The following PDK1 variants were observed in gnomAD, a reference collection of about 807,000 sequenced individuals.
PDK1 encodes the protein [Pyruvate dehydrogenase (acetyl-transferring)] kinase isozyme 1, mitochondrial.
In PDK1, 39 loss-of-function variants were observed where a neutral mutation model predicts 54.2. The observed-to-expected ratio is 0.72, with a 90% CI of 0.56 to 0.94. PDK1 has a LOEUF of 0.94. Ranked by LOEUF, PDK1 falls within the 40% of genes least tolerant of loss-of-function variation. PDK1 has a pLI of 0.00. For missense variants in PDK1, 552 were observed against 566.0 expected (o/e 0.98, Z 0.25); for synonymous variants, 221 against 207.1 (o/e 1.07, Z -0.58).
At chr2:172,687,761 T>C in the PDK1 span, among the ~76,000 whole-genome samples, 1 of 152,158 alleles carries the variant, frequency 6.6e-6, no homozygotes, top group African/African-American at 2.4e-5. Context: ...ATCATTTGGG[T>C]TCACACATAT....
At chr2:172,660,245 C>CTTTTTT in the PDK1 span, among the ~76,000 whole-genome samples, 2,836 of 55,390 alleles carry the variant, frequency 0.051, 771 homozygotes, top group Non-Finnish European at 0.065. Context: ...CTCTCTCTCT[C>CTTTTTT]TCTTTTTTTT....
chr2:172,556,418 C>G (rs557116444), intron 1 of PDK1, 72 bp downstream of exon 1: 5 of 1,184,674 alleles, frequency 4.2e-6, no homozygotes, highest in Non-Finnish European at 4.4e-6. Flanking sequence ...TGCCCCAGGC[C>G]GGGTCGGCGC....
the PDK1 span, among the ~76,000 whole-genome samples, chr2:172,694,515 T>C: frequency 6.6e-6 from 1 of 152,206 alleles, no homozygotes; most frequent in Non-Finnish European, 1.5e-5. Flanking sequence ...TGTGTGGGCA[T>C]TCTCCAGGCA....
At chr2:172,683,109 G>A in the PDK1 span, among the ~76,000 whole-genome samples, 2 of 152,076 alleles carry the variant, frequency 1.3e-5, no homozygotes, top group East Asian at 3.9e-4. Flanking sequence ...CACTTTGGGA[G>A]GCCGAGGCGG....
the PDK1 span, among the ~76,000 whole-genome samples, chr2:172,695,610 G>A: frequency 6.6e-6 from 1 of 152,166 alleles, no homozygotes; most frequent in Admixed American, 6.5e-5. Flanking sequence ...TATGGCAAAG[G>A]TGATAGATGC....
intron 3 of PDK1, 122 bp downstream of exon 3, chr2:172,562,413 CA>C: frequency 1.5e-6 from 1 of 679,320 alleles, no homozygotes; most frequent in African/African-American, 1.8e-5. Flanking sequence ...GCAGCCCATA[CA>C]GGCAGGACAA....
chr2:172,702,828 A>T, the PDK1 span, among the ~76,000 whole-genome samples: 1 of 151,956 alleles, frequency 6.6e-6, no homozygotes, highest in African/African-American at 2.4e-5. Flanking sequence ...TGAGGGCAAA[A>T]CCACTGGTAC....
In PDK1 at chr2:172,598,192, A is replaced by AT. The variant is rs999487903; in HGVS notation, c.*2226dup. ...GTTTTAGAATCCTTTGAATCTAAGT[A>AT]TTTGTTTCCTAAATGAAACATTTGT... On this transcript the variant is annotated 3_prime_UTR_variant, in exon 11 of 11. Coordinates refer to ENST00000282077, the MANE Select transcript of PDK1 (RefSeq NM_002610.5). 6.6e-6 allele frequency: 1 copy of AT among 152,194 alleles called. No homozygotes were observed. Among genetic ancestry groups the AT allele is most frequent in the Non-Finnish European group, 1.5e-5 (1 of 68,022 alleles). The allele number at this position is 152,194 out of a possible 1,614,324, so 9.4% of individuals were successfully genotyped here.
Position 172,556,207 on chromosome 2 carries a change from G to A in PDK1, c.57G>A (p.Leu19=). The change falls in exon 1 of 11, where the codon CTG becomes CTA. Residue 19 remains leucine, a synonymous_variant. Coordinates refer to ENST00000282077, the MANE Select transcript of PDK1 (RefSeq NM_002610.5). ...CCTTGGCCGGCCCGGGCCCGGGGCT[G>A]CGCGCCGCCGGCTTCAGCCGCAGCT... ...GAALAGPGPG[L]RAAGFSRSFS... is the part of the protein sequence containing the mutation. 2.1e-6 allele frequency: 3 copies of A among 1,416,954 alleles called. No homozygotes were observed. Among genetic ancestry groups the A allele is most frequent in the East Asian group, 3.0e-5 (1 of 32,820 alleles). 87.8% of individuals were successfully genotyped at this position (1,416,954 alleles called of 1,614,324 possible).
the PDK1 span, among the ~76,000 whole-genome samples, chr2:172,667,170 TACTC>T: frequency 2.6e-5 from 4 of 152,164 alleles, no homozygotes; most frequent in Admixed American, 6.5e-5. Context: ...ACATTTTTAA[TACTC>T]ACATATTCCT....
the PDK1 span, among the ~76,000 whole-genome samples, chr2:172,641,989 A>G: frequency 1.3e-5 from 2 of 152,010 alleles, no homozygotes; most frequent in Non-Finnish European, 2.9e-5. Flanking sequence ...TTGGGGTATT[A>G]TTTTCTAAGC....
intron 8 of PDK1, among the ~76,000 whole-genome samples, chr2:172,571,827 T>TG (rs1689280683): frequency 8.0e-6 from 1 of 124,466 alleles, no homozygotes; most frequent in Non-Finnish European, 1.7e-5. Flanking sequence ...TCTTTACTTT[T>TG]TTTTTTTTTT....
At chr2:172,593,799 G>A (rs1574536028) in intron 10 of PDK1, among the ~76,000 whole-genome samples, 1 of 151,976 alleles carries the variant, frequency 6.6e-6, no homozygotes, top group Non-Finnish European at 1.5e-5. Flanking sequence ...TTTACATGGT[G>A]GAAAAACACT....
chr2:172,655,409 A>G, the PDK1 span, among the ~76,000 whole-genome samples: 2 of 152,216 alleles, frequency 1.3e-5, no homozygotes, highest in Non-Finnish European at 2.9e-5. Flanking sequence ...GACCCCTTTT[A>G]GGAACCTTTT....
the PDK1 span, among the ~76,000 whole-genome samples, chr2:172,655,765 G>A: frequency 6.6e-6 from 1 of 152,196 alleles, no homozygotes; most frequent in Non-Finnish European, 1.5e-5. Flanking sequence ...TGCTGTCCAC[G>A]GATGGCTTGA....
At chr2:172,595,212 C>T (rs116546100) in intron 10 of PDK1, among the ~76,000 whole-genome samples, 6 of 152,170 alleles carry the variant, frequency 3.9e-5, no homozygotes, top group Admixed American at 2.6e-4. Context: ...TAGGACTACA[C>T]CCATGTGCCA....
At chr2:172,628,411 A>T in the PDK1 span, among the ~76,000 whole-genome samples, 1 of 152,142 alleles carries the variant, frequency 6.6e-6, no homozygotes, top group South Asian at 2.1e-4. Flanking sequence ...CTTTTCCTTT[A>T]TGGTGTAAAA....
chr2:172,568,199 G>A (rs1689056321), intron 6 of PDK1, among the ~76,000 whole-genome samples: 1 of 151,682 alleles, frequency 6.6e-6, no homozygotes, highest in Admixed American at 6.6e-5. Flanking sequence ...GTGGTGGTTG[G>A]CGCCTGTAAT....
At chr2:172,702,294 T>C in the PDK1 span, among the ~76,000 whole-genome samples, 3 of 152,130 alleles carry the variant, frequency 2.0e-5, no homozygotes, top group Non-Finnish European at 4.4e-5. Context: ...CTGGCCAAGA[T>C]GGTGAAACCC....
Sources: gnomAD v4.1 joint callset for allele counts (sites outside exome capture counted in the v4.1 genomes callset) on GRCh38, gnomAD v4.1.1 for gene constraint, MANE v1.5 for transcripts, NCBI Gene and HGNC (gene_info 2026-07-23, HGNC 2026-07-21) for gene names.